The following FRMPD4 variants were observed in gnomAD, a reference collection of about 807,000 sequenced individuals.
FRMPD4 encodes FERM and PDZ domain-containing protein 4.
In FRMPD4, 22 loss-of-function variants were observed where a neutral mutation model predicts 94.1. The ratio of observed to expected loss-of-function variants is 0.23; its 90% CI spans 0.17 to 0.33. The LOEUF is 0.33. Ranked by LOEUF, FRMPD4 falls within the 10% of genes least tolerant of loss-of-function variation. The pLI is 1.00. For missense variants in FRMPD4, 1,111 were observed against 1,339.9 expected (o/e 0.83, Z 2.67); for synonymous variants, 631 against 548.6 (o/e 1.15, Z -2.10).
chrX:12,452,217 T>C (rs2057280793), intron 1 of FRMPD4, among the ~76,000 whole-genome samples: 1 of 111,944 alleles, frequency 8.9e-6, no homozygotes, highest in Non-Finnish European at 1.9e-5. Flanking sequence ...ACTTTGAATC[T>C]CCCATTTAAA....
chrX:12,599,320 A>G (rs2059063220), intron 2 of FRMPD4, among the ~76,000 whole-genome samples: 1 of 111,701 alleles, frequency 9.0e-6, no homozygotes, highest in African/African-American at 3.3e-5. Context: ...AAAAAAACAT[A>G]TGAGTAATCA....
chrX:11,824,549 A>G (rs978742737), intron 1 of FRMPD4, among the ~76,000 whole-genome samples: 3 of 111,689 alleles, frequency 2.7e-5, no homozygotes, highest in African/African-American at 9.8e-5. Flanking sequence ...AACCCAAAAT[A>G]TCTCCAGACA....
intron 4 of FRMPD4, among the ~76,000 whole-genome samples, chrX:12,630,181 A>G (rs2059382655): frequency 8.9e-6 from 1 of 112,206 alleles, no homozygotes; most frequent in Non-Finnish European, 1.9e-5. Flanking sequence ...GCTTGGGTCG[A>G]GATTAGGTTA....
chrX:12,609,650 A>G, intron 2 of FRMPD4, 71 bp from the exon 3 acceptor site: 1 of 896,466 alleles, frequency 1.1e-6, no homozygotes, highest in South Asian at 2.2e-5. Context: ...ATTAAAGAGA[A>G]TATGATTGCC....
intron 3 of FRMPD4, among the ~76,000 whole-genome samples, chrX:12,078,446 C>T (rs892874360): frequency 1.8e-5 from 2 of 111,841 alleles, no homozygotes; most frequent in Admixed American, 9.5e-5. Flanking sequence ...TTAGCAGAGC[C>T]TCTCAGAATT....
intron 2 of FRMPD4, among the ~76,000 whole-genome samples, chrX:12,554,434 C>A (rs2058573112): frequency 9.0e-6 from 1 of 111,654 alleles, no homozygotes; most frequent in African/African-American, 3.3e-5. Flanking sequence ...GAAACTGTAG[C>A]CATGACCTAT....
At chrX:12,566,499 A>G (rs1175368024) in intron 2 of FRMPD4, among the ~76,000 whole-genome samples, 2 of 112,041 alleles carry the variant, frequency 1.8e-5, no homozygotes, top group African/African-American at 3.2e-5. Flanking sequence ...ATAGCATCAC[A>G]ATATCACAAT....
At chrX:11,978,544 C>G (rs1569136171) in intron 3 of FRMPD4, among the ~76,000 whole-genome samples, 3 of 110,715 alleles carry the variant, frequency 2.7e-5, no homozygotes, top group Non-Finnish European at 5.7e-5. Flanking sequence ...ATATATGCTA[C>G]TTGTCTTAGA....
At chrX:12,628,594 T>C (rs2059368030) in intron 4 of FRMPD4, among the ~76,000 whole-genome samples, 3 of 112,771 alleles carry the variant, frequency 2.7e-5, no homozygotes, top group African/African-American at 9.7e-5. Context: ...CACAGGTTGC[T>C]GTGCTCTTTA....
chrX:12,620,750 C>G (rs57762711), intron 4 of FRMPD4, among the ~76,000 whole-genome samples: 2,583 of 112,444 alleles, frequency 0.023, 70 homozygotes, highest in African/African-American at 0.077. Flanking sequence ...AAGGTCTTTA[C>G]CTGCTGAAAC....
At chrX:12,393,712 C>T (rs2056506558) in intron 1 of FRMPD4, among the ~76,000 whole-genome samples, 1 of 112,061 alleles carries the variant, frequency 8.9e-6, no homozygotes, top group Admixed American at 9.5e-5. Context: ...TGTCTTTTGA[C>T]CAATGTCTGT....
intron 1 of FRMPD4, among the ~76,000 whole-genome samples, chrX:12,343,180 A>G (rs1030998144): frequency 6.2e-5 from 7 of 112,044 alleles, no homozygotes; most frequent in Non-Finnish European, 7.5e-5. Flanking sequence ...AGTGAAAAGG[A>G]GAAAGATGAA....
At chrX:12,012,793 G>C (rs1476018582) in intron 3 of FRMPD4, among the ~76,000 whole-genome samples, 3 of 112,119 alleles carry the variant, frequency 2.7e-5, no homozygotes, top group Non-Finnish European at 5.6e-5. Context: ...GTAGTTTATT[G>C]ATTTATATAG....
chrX:12,484,915 G>A (rs1406866469), intron 1 of FRMPD4, among the ~76,000 whole-genome samples: 2 of 112,335 alleles, frequency 1.8e-5, no homozygotes, highest in African/African-American at 6.5e-5. Context: ...TTGAAGTGCT[G>A]TGAGGCAGGT....
chrX:12,543,003 T>C (rs2058433665), intron 2 of FRMPD4, among the ~76,000 whole-genome samples: 1 of 112,174 alleles, frequency 8.9e-6, no homozygotes, highest in South Asian at 3.7e-4. Context: ...ATTCCCTTTT[T>C]AATAAATGGT....
At chrX:12,548,011 C>G (rs1028604268) in intron 2 of FRMPD4, among the ~76,000 whole-genome samples, 1 of 112,012 alleles carries the variant, frequency 8.9e-6, no homozygotes, top group Non-Finnish European at 1.9e-5. Flanking sequence ...TAAGTATGGA[C>G]TTAATATATT....
chrX:12,638,428 G>T (rs1211378909), intron 4 of FRMPD4, among the ~76,000 whole-genome samples: 1 of 110,606 alleles, frequency 9.0e-6, no homozygotes, highest in Non-Finnish European at 1.9e-5. Context: ...TAGAGATAGG[G>T]TCTTGCCATG....
intron 2 of FRMPD4, among the ~76,000 whole-genome samples, chrX:12,580,848 A>T (rs1225793916): frequency 8.9e-6 from 1 of 112,163 alleles, no homozygotes; most frequent in Non-Finnish European, 1.9e-5. Context: ...GGAGAAAGGG[A>T]TGATTCACTT....
chrX:12,337,646 T>G (rs2055548256), intron 1 of FRMPD4, among the ~76,000 whole-genome samples: 1 of 111,965 alleles, frequency 8.9e-6, no homozygotes, highest in Admixed American at 9.5e-5. Context: ...TACTCTCCAC[T>G]TAGGATGGGT....
Sources: allele counts gnomAD v4.1 joint callset (sites outside exome capture counted in the v4.1 genomes callset), GRCh38; gene constraint gnomAD v4.1.1; transcripts MANE v1.5; gene names NCBI Gene and HGNC (gene_info 2026-07-23, HGNC 2026-07-21).